TMEM272: variants seen among roughly 807,000 people sequenced by gnomAD.
TMEM272 encodes transmembrane protein 272, also known as long intergenic non-protein coding RNA 282.
A neutral mutation model predicts 3.7 loss-of-function variants in TMEM272; 8 were observed. The ratio of observed to expected loss-of-function variants is 2.17; its 90% CI spans 1.27 to 3.91. TMEM272 has a LOEUF of 3.91. Among genes scored for constraint, TMEM272 ranks in the 30% most tolerant of loss-of-function variants. The pLI, the probability that TMEM272 is intolerant of heterozygous loss-of-function variation, is 0.00. For missense variants in TMEM272, 166 were observed against 91.5 expected (o/e 1.81, Z -3.32); for synonymous variants, 63 against 39.8 (o/e 1.58, Z -2.20).
At chr13:51,846,630 C>T (rs568169453), upstream of TMEM272, among the ~76,000 whole-genome samples, 4 of 152,062 alleles carry the variant, frequency 2.6e-5, no homozygotes, top group African/African-American at 9.7e-5. Flanking sequence ...CAGGAGGTAT[C>T]CAGAAGAAGG....
chr13:51,909,000 G>A, the TMEM272 span: 1 of 1,450,220 alleles, frequency 6.9e-7, no homozygotes. Flanking sequence ...GAGTCTCAGT[G>A]GACCCTCCAA....
At chr13:51,928,609 C>T in the TMEM272 span, among the ~76,000 whole-genome samples, 1 of 152,166 alleles carries the variant, frequency 6.6e-6, no homozygotes, top group South Asian at 2.1e-4. Flanking sequence ...GTGGACTGCC[C>T]CTTCCAACCT....
the TMEM272 span, among the ~76,000 whole-genome samples, chr13:51,914,423 TCTCCTG>T: frequency 7.9e-5 from 12 of 152,220 alleles, no homozygotes; most frequent in Non-Finnish European, 4.4e-5. Context: ...ACGCCAGTGT[TCTCCTG>T]CTCACCTTGC....
At chr13:51,932,589 G>A in the TMEM272 span, 2 of 152,170 alleles carry the variant, frequency 1.3e-5, no homozygotes, top group Non-Finnish European at 2.9e-5. Context: ...AAGACATGAA[G>A]CCAAGCCAGT....
chr13:51,837,674 TG>T (rs1169863289), intron 2 of TMEM272, among the ~76,000 whole-genome samples: 7 of 152,202 alleles, frequency 4.6e-5, no homozygotes, highest in African/African-American at 1.7e-4. Flanking sequence ...CTGGAGGTGC[TG>T]GCATGCAGCA....
the TMEM272 span, among the ~76,000 whole-genome samples, chr13:51,881,141 A>G: frequency 1.3e-5 from 2 of 152,162 alleles, no homozygotes; most frequent in Non-Finnish European, 2.9e-5. Context: ...ACACTGAAGG[A>G]AAGGTGTGGA....
the TMEM272 span, among the ~76,000 whole-genome samples, chr13:51,887,391 G>T: frequency 2.6e-5 from 4 of 152,320 alleles, no homozygotes; most frequent in African/African-American, 9.6e-5. Flanking sequence ...TGGCAAAGGA[G>T]AACCAAGGGA....
At chr13:51,853,221 A>C in the TMEM272 span, among the ~76,000 whole-genome samples, 7 of 152,216 alleles carry the variant, frequency 4.6e-5, no homozygotes, top group African/African-American at 1.4e-4. Context: ...AGCCTGGCTA[A>C]CATATAGTGA....
chr13:51,883,373 G>C, the TMEM272 span, among the ~76,000 whole-genome samples: 1 of 152,236 alleles, frequency 6.6e-6, no homozygotes, highest in Non-Finnish European at 1.5e-5. Context: ...AGGTACGTGA[G>C]CATCGAAGAG....
At chr13:51,854,116 G>A in the TMEM272 span, among the ~76,000 whole-genome samples, 25 of 152,136 alleles carry the variant, frequency 1.6e-4, no homozygotes, top group African/African-American at 5.6e-4. Flanking sequence ...AAAGTGTGTG[G>A]CAGGGGGAGA....
At chr13:51,820,230 C>T (rs1028036140) in intron 4 of TMEM272, among the ~76,000 whole-genome samples, 1 of 152,184 alleles carries the variant, frequency 6.6e-6, no homozygotes, top group African/African-American at 2.4e-5. Flanking sequence ...AATGTCAGCT[C>T]ACATCTCTTC....
chr13:51,881,623 T>C, the TMEM272 span, among the ~76,000 whole-genome samples: 1 of 152,046 alleles, frequency 6.6e-6, no homozygotes, highest in Non-Finnish European at 1.5e-5. Flanking sequence ...TAGCAGGAAG[T>C]GGGGTCTTTA....
At chr13:51,931,294 C>T in the TMEM272 span, among the ~76,000 whole-genome samples, 1 of 112,784 alleles carries the variant, frequency 8.9e-6, no homozygotes, top group Non-Finnish European at 1.9e-5. Context: ...AGGATGAGTT[C>T]GTCTCAAAAA....
chr13:51,865,617 G>T, the TMEM272 span: 3 of 1,614,058 alleles, frequency 1.9e-6, no homozygotes, highest in South Asian at 3.3e-5. Context: ...CATGCTTTCC[G>T]GGGCCAGATC....
the TMEM272 span, chr13:51,933,431 T>C: frequency 6.6e-6 from 1 of 152,136 alleles, no homozygotes; most frequent in Non-Finnish European, 1.5e-5. Flanking sequence ...ATGAAAAAAA[T>C]CACTAAAACT....
the TMEM272 span, among the ~76,000 whole-genome samples, chr13:51,856,858 C>G: frequency 4.6e-5 from 7 of 152,128 alleles, no homozygotes; most frequent in African/African-American, 1.7e-4. Flanking sequence ...AAGAAAATAA[C>G]AACTAACCTA....
At chr13:51,840,503 C>T (rs1277608664) in intron 1 of TMEM272, among the ~76,000 whole-genome samples, 1 of 152,202 alleles carries the variant, frequency 6.6e-6, no homozygotes, top group Non-Finnish European at 1.5e-5. Flanking sequence ...ACAGTTTTGA[C>T]TGCAGTGAGA....
In TMEM272 at chr13:51,816,862, G is replaced by C; in HGVS notation, c.453C>G (p.Leu151=). The C allele has an allele frequency of 1.4e-6, 1 of 703,058 alleles. No individual in the cohort carries two copies. Among genetic ancestry groups the C allele is most frequent in the Non-Finnish European group, 2.6e-6 (1 of 385,008 alleles). 43.6% of individuals were successfully genotyped at this position (703,058 alleles called of 1,614,324 possible). A position where few individuals can be genotyped will look rare whatever the true frequency, so the allele number is the denominator to read the frequency against. The change falls in exon 5 of 5, where the codon CTC becomes CTG. Residue 151 remains leucine, a synonymous_variant. Coordinates refer to ENST00000629372, the MANE Select transcript of TMEM272 (RefSeq NM_001351003.2). ...TGAGCGCCAGGACTCCGACTGCAAA[G>C]AGGTACAGGGTTTTGTCACAGTAGT... ...PQDYCDKTLY[L]FAVGVLALSH... is the part of the protein sequence containing the mutation.
At chr13:51,877,708 A>G in the TMEM272 span, among the ~76,000 whole-genome samples, 1 of 152,244 alleles carries the variant, frequency 6.6e-6, no homozygotes, top group Non-Finnish European at 1.5e-5. Context: ...CAATGAAGAT[A>G]TTAACTCCTG....
Sources: gnomAD v4.1 joint callset for allele counts (sites outside exome capture counted in the v4.1 genomes callset) on GRCh38, gnomAD v4.1.1 for gene constraint, MANE v1.5 for transcripts, NCBI Gene and HGNC (gene_info 2026-07-23, HGNC 2026-07-21) for gene names.